VPS51: variants seen among roughly 807,000 people sequenced by gnomAD.
The protein encoded by VPS51 is vacuolar protein sorting-associated protein 51 homolog.
VPS51 carries 55 observed loss-of-function variants against 65.1 expected under a neutral mutation model. The ratio of observed to expected loss-of-function variants is 0.84; its 90% CI spans 0.68 to 1.06. The LOEUF (loss-of-function observed/expected upper bound fraction) is 1.06, where lower values mean the gene tolerates loss of function less well. Among genes scored for constraint, VPS51 ranks in the 50% least tolerant of loss-of-function variants. The pLI is 0.00. For synonymous variants in VPS51, 473 were observed against 489.5 expected (o/e 0.97, Z 0.44); for missense variants, 943 against 1,101.6 (o/e 0.86, Z 2.04).
rs761863465 is a variant in VPS51 at position 65,108,743 on chromosome 11, C to G, written c.1272C>G (p.Asp424Glu). ...CGGCCTTCCTGGGCTGCCTGACAGACGTCCGCCAGGCGCTGGCAGCACCTC... is the reference window on the plus strand; with the variant it reads ...CGGCCTTCCTGGGCTGCCTGACAGAGGTCCGCCAGGCGCTGGCAGCACCTC... ...LRAAFLGCLTDVRQALAAPRV... is the reference protein window; with the variant it reads ...LRAAFLGCLTEVRQALAAPRV... Residue 424 changes from aspartate (D) to glutamate (E), a missense_variant, in exon 5 of 10, where the codon GAC becomes GAG. Asp to Glu is a conservative substitution (Grantham distance 45, BLOSUM62 2). This residue lies in a region of VPS51 where 855 missense variants were observed against 953.7 expected (regional missense o/e 0.90). Coordinates refer to ENST00000279281, the MANE Select transcript of VPS51 (RefSeq NM_013265.4). The G allele has an allele frequency of 6.2e-7, 1 of 1,611,308 alleles. No homozygotes were observed. The highest frequency in any genetic ancestry group is 1.7e-5 in the Admixed American group (1 of 59,976).
Position 65,107,914 on chromosome 11 carries a change from C to G in VPS51, c.617C>G (p.Ala206Gly). 2 of 1,554,974 alleles carry G rather than the reference C, an allele frequency of 1.3e-6. No individual in the cohort carries two copies. Among genetic ancestry groups the G allele is most frequent in the Non-Finnish European group, 1.7e-6 (2 of 1,151,396 alleles). ...YGQAVRYQGR[A>G]QAVLQQYQHL... ...CAGGCGGTGCGCTACCAGGGCCGCG[C>G]GCAGGCCGTGCTGCAGCAGTACCAA... Residue 206 changes from alanine to glycine, a missense_variant, in exon 4 of 10, where the codon GCG (alanine) becomes GGG (glycine). By Grantham distance (60) the Ala-to-Gly change is moderately conservative. Transcript: ENST00000279281. The surrounding 1 kb of genome is among the most constrained non-coding windows in gnomAD (Gnocchi z 4.0).
At position 65,107,700 on chromosome 11, in the gene VPS51, C is replaced by T. The variant is rs761697875; in HGVS notation, c.478C>T (p.Arg160Cys). 2.5e-6 allele frequency: 4 copies of T among 1,609,180 alleles called. No individual in the cohort carries two copies. Among genetic ancestry groups the T allele is most frequent in the East Asian group, 2.2e-5 (1 of 44,734 alleles). ...SARISATLQD[R>C]HERITKLAGV... ...TCGCATCAGCGCCACGCTGCAGGAC[C>T]GCCACGAGCGCATCACCAAGCTGGC... The change falls in exon 3 of 10, where the codon CGC (arginine) becomes TGC (cysteine). Residue 160 changes from arginine to cysteine, a missense_variant. Transcript: ENST00000279281. This position sits in a 1 kb window ranked among gnomAD's most constrained non-coding sequence, Gnocchi z 4.0.
rs1171054765 is a variant in VPS51 at position 65,108,543 on chromosome 11, C to G, written c.1072C>G (p.Gln358Glu). 6.3e-7 allele frequency: 1 copy of G among 1,576,982 alleles called. No individual in the cohort carries two copies. Among genetic ancestry groups the G allele is most frequent in the East Asian group, 2.3e-5 (1 of 43,830 alleles). ...TGCGCTGGTGGAGCGGCGGCTGGCG[C>G]AGGAGCAGGGTGGTGGTGACAACTC... ...YFALVERRLAQEQGGGDNSLL... is the reference protein window; with the variant it reads ...YFALVERRLAEEQGGGDNSLL... The change falls in exon 5 of 10, where the codon CAG becomes GAG. Residue 358 changes from glutamine to glutamate, a missense_variant. Transcript: ENST00000279281.
In VPS51 at chr11:65,111,776, T is replaced by C; in HGVS notation, c.*189T>C. 1.8e-6 allele frequency: 2 copies of C among 1,118,002 alleles called. No homozygotes were observed. The highest frequency in any genetic ancestry group is 2.5e-6 in the Non-Finnish European group (2 of 810,354). 69.3% of individuals were successfully genotyped at this position (1,118,002 alleles called of 1,614,324 possible). On this transcript the variant is annotated 3_prime_UTR_variant, in exon 10 of 10. Coordinates refer to ENST00000279281, the MANE Select transcript of VPS51 (RefSeq NM_013265.4). ...AGCTGAGGCTTCTGAGGCGCCCGCG[T>C]CGGGTCCGCCCCCGAGCGCCGATTG...
Position 65,111,459 on chromosome 11 carries a change from C to G in VPS51, c.2221C>G (p.Arg741Gly). 1 of 1,613,966 alleles carries G rather than the reference C, an allele frequency of 6.2e-7. No individual in the cohort carries two copies. The highest frequency in any genetic ancestry group is 8.5e-7 in the Non-Finnish European group (1 of 1,180,042). The change falls in exon 10 of 10, where the codon CGT becomes GGT. Residue 741 changes from arginine (R) to glycine (G), a missense_variant. Around this residue, in one of 2 missense-constraint regions of VPS51, gnomAD observed 88 missense variants for 147.8 expected, o/e 0.60. Transcript: ENST00000279281. ...DCHFLQLYLW[R>G]FVADEELVHL... The stretch of plus-strand genomic sequence containing the variant: ...CCACTTTCTGCAGCTCTACCTGTGG[C>G]GTTTTGTGGCCGACGAAGAACTCGT...
At chr11:65,109,001 C>T in intron 5 of VPS51, 87 bp downstream of exon 5, 1 of 1,469,088 alleles carries the variant, frequency 6.8e-7, no homozygotes, top group South Asian at 1.2e-5. Flanking sequence ...ACTGGGGAAA[C>T]CAGGCACTCT....
Position 65,108,037 on chromosome 11 carries a change from C to T in VPS51, c.725+15C>T. On this transcript the variant is annotated intron_variant, in intron 4 of 9. Coordinates refer to ENST00000279281, the MANE Select transcript of VPS51 (RefSeq NM_013265.4). ...CAGCGCTTTAGGTGTGGCCCCTCTGCCCTGACCCCAGCGCTCCCGCCAGCC... is the reference window on the plus strand; with the variant it reads ...CAGCGCTTTAGGTGTGGCCCCTCTGTCCTGACCCCAGCGCTCCCGCCAGCC... 1 of 1,499,480 alleles carries T rather than the reference C, an allele frequency of 6.7e-7. No individual in the cohort carries two copies. Among genetic ancestry groups the T allele is most frequent in the Non-Finnish European group, 8.9e-7 (1 of 1,126,390 alleles). 92.9% of individuals were successfully genotyped at this position (1,499,480 alleles called of 1,614,324 possible). A position where few individuals can be genotyped will look rare whatever the true frequency, so the allele number is the denominator to read the frequency against.
chr11:65,103,288 C>T (rs1947821365), intron 2 of VPS51, among the ~76,000 whole-genome samples: 2 of 152,196 alleles, frequency 1.3e-5, no homozygotes, highest in Admixed American at 1.3e-4. Flanking sequence ...CAACAAAATG[C>T]AGGCAATGGT....
chr11:65,106,873 G>C (rs1025001670), intron 2 of VPS51, among the ~76,000 whole-genome samples: 1 of 152,214 alleles, frequency 6.6e-6, no homozygotes, highest in Non-Finnish European at 1.5e-5. Flanking sequence ...AAGAGGCAGT[G>C]ATGGGGAACT....
chr11:65,107,881 C>T lies in VPS51; in HGVS notation c.584C>T (p.Ala195Val). Residue 195 changes from alanine to valine, a missense_variant, in exon 4 of 10, where the codon GCC becomes GTC. This residue lies in a region of VPS51 where 855 missense variants were observed against 953.7 expected (regional missense o/e 0.90). Coordinates refer to ENST00000279281, the MANE Select transcript of VPS51 (RefSeq NM_013265.4). The surrounding 1 kb of genome is among the most constrained non-coding windows in gnomAD (Gnocchi z 4.0). ...SRLTKCVELG[A>V]YGQAVRYQGR... ...CTCACCAAGTGCGTGGAACTGGGCG[C>T]CTATGGGCAGGCGGTGCGCTACCAG... 6.4e-7 allele frequency: 1 copy of T among 1,551,730 alleles called. No individual in the cohort carries two copies. The highest frequency in any genetic ancestry group is 8.7e-7 in the Non-Finnish European group (1 of 1,148,952).
At position 65,108,436 on chromosome 11, in the gene VPS51, A is replaced by G. The variant is rs777176694; in HGVS notation, c.965A>G (p.Tyr322Cys). Reference protein sequence around the residue: ...VGGLCQVAAAYQELFAAQGPA... With the variant: ...VGGLCQVAAACQELFAAQGPA... ...GGCCTCTGCCAGGTGGCGGCGGCCT[A>G]CCAGGAGCTGTTTGCGGCCCAGGGC... The change falls in exon 5 of 10, where the codon TAC becomes TGC. Residue 322 changes from tyrosine to cysteine, a missense_variant. Coordinates refer to ENST00000279281, the MANE Select transcript of VPS51 (RefSeq NM_013265.4). 9 of 1,611,534 alleles carry G rather than the reference A, an allele frequency of 5.6e-6. No individual in the cohort carries two copies. The highest frequency in any genetic ancestry group is 6.8e-6 in the Non-Finnish European group (8 of 1,179,588).
rs1312845185 is a variant in VPS51 at position 65,111,828 on chromosome 11, A to G, written c.*241A>G. ...CTGGTGTGCTGGGCCCAGCATGGGC[A>G]GGGGGCGGTTCCACTTAAAAACCCT... is the stretch of plus-strand genomic sequence containing the variant. On this transcript the variant is annotated 3_prime_UTR_variant, in exon 10 of 10. Transcript: ENST00000279281. The G allele has an allele frequency of 3.3e-6, 3 of 919,210 alleles. No individual in the cohort carries two copies. In the African/African-American group the frequency reaches 5.0e-5, roughly 15 times the overall value. 56.9% of individuals were successfully genotyped at this position (919,210 alleles called of 1,614,324 possible).
At position 65,107,552 on chromosome 11, in the gene VPS51, TC is replaced by T; in HGVS notation, c.359-25del. ...GCGCCCGCCCTGCAGTCACCTGCTC[TC>T]CCCTTTTCCCCGCCCCTGCCCTCCT... On this transcript the variant is annotated intron_variant, in intron 2 of 9. Transcript: ENST00000279281. This position sits in a 1 kb window ranked among gnomAD's most constrained non-coding sequence, Gnocchi z 4.0. 1 of 1,557,572 alleles carries T rather than the reference TC, an allele frequency of 6.4e-7. No individual in the cohort carries two copies. Among genetic ancestry groups the T allele is most frequent in the Non-Finnish European group, 8.7e-7 (1 of 1,144,460 alleles).
At chr11:65,108,953 G>A in intron 5 of VPS51, 39 bp downstream of exon 5, 1 of 1,604,248 alleles carries the variant, frequency 6.2e-7, no homozygotes, top group Non-Finnish European at 8.5e-7. Context: ...CAACCTGCTG[G>A]TTGACCCTCC....
intron 2 of VPS51, among the ~76,000 whole-genome samples, chr11:65,102,249 C>T (rs1706764930): frequency 6.6e-6 from 1 of 152,152 alleles, no homozygotes; most frequent in African/African-American, 2.4e-5. Context: ...TCAGGTGATC[C>T]ACCTGCCTTG....
chr11:65,108,054 C>T (rs1306686575), intron 4 of VPS51, 32 bp downstream of exon 4: 3 of 1,486,648 alleles, frequency 2.0e-6, no homozygotes, highest in Non-Finnish European at 2.7e-6. Flanking sequence ...CCCAGCGCTC[C>T]CGCCAGCCCC....
rs1194171165 is a variant in VPS51, at chr11:65,107,589, C to T, written c.367C>T (p.Arg123Trp). The T allele has an allele frequency of 1.9e-6, 3 of 1,588,820 alleles. No homozygotes were observed. Among genetic ancestry groups the T allele is most frequent in the East Asian group, 2.3e-5 (1 of 44,218 alleles). The change falls in exon 3 of 10, where the codon CGG becomes TGG. Residue 123 changes from arginine (R) to tryptophan (W), a missense_variant. Arg to Trp is a moderately radical substitution (Grantham distance 101). Coordinates refer to ENST00000279281, the MANE Select transcript of VPS51 (RefSeq NM_013265.4). This position sits in a 1 kb window ranked among gnomAD's most constrained non-coding sequence, Gnocchi z 4.0. ...CGCCCCTGCCCTCCTAGACACCATC[C>T]GGAAGATGAAGAACGATTTCCGGAA... ...NKFISATDTI[R>W]KMKNDFRKME...
At chr11:65,097,162 A>G (rs1947777008) in intron 2 of VPS51, 35 bp downstream of exon 2, 1 of 1,610,984 alleles carries the variant, frequency 6.2e-7, no homozygotes, top group African/African-American at 1.3e-5. Flanking sequence ...CCAAAGTCTC[A>G]CAGCCCCCAT....
At position 65,111,718 on chromosome 11, in the gene VPS51, G is replaced by T. The variant is rs1947905576; in HGVS notation, c.*131G>T. ...CATGTGTGGCCTCCTCCTCTCGCTTGCTGGGCGGGCCTTTCCGGGGGCGGG... is the reference window on the plus strand; with the variant it reads ...CATGTGTGGCCTCCTCCTCTCGCTTTCTGGGCGGGCCTTTCCGGGGGCGGG... On this transcript the variant is annotated 3_prime_UTR_variant, in exon 10 of 10. Transcript: ENST00000279281. 7.2e-7 allele frequency: 1 copy of T among 1,382,896 alleles called. No homozygotes were observed. The highest frequency in any genetic ancestry group is 9.5e-7 in the Non-Finnish European group (1 of 1,050,458). The allele number at this position is 1,382,896 out of a possible 1,614,324, so 85.7% of individuals were successfully genotyped here.
Sources: gnomAD v4.1 joint callset for allele counts (sites outside exome capture counted in the v4.1 genomes callset) on GRCh38, gnomAD v4.1.1 for gene constraint, gnomAD v4.1.1 regional missense constraint, Gnocchi (gnomAD v3.1) non-coding constraint, MANE v1.5 for transcripts, NCBI Gene and HGNC (gene_info 2026-07-23, HGNC 2026-07-21) for gene names.